PDPR: variants seen among roughly 807,000 people sequenced by gnomAD.
PDPR encodes pyruvate dehydrogenase phosphatase regulatory subunit.
In PDPR, 50 loss-of-function variants were observed where a neutral mutation model predicts 102.2. The ratio of observed to expected loss-of-function variants is 0.49; its 90% confidence interval spans 0.39 to 0.62. The LOEUF (loss-of-function observed/expected upper bound fraction) is 0.62, where lower values mean the gene tolerates loss of function less well. PDPR is among the 20% of genes least tolerant of loss of function. The pLI is 0.00. For missense variants in PDPR, 625 were observed against 1,098.2 expected, an observed-to-expected ratio of 0.57 and a Z score of 6.09; for synonymous variants, 259 against 406.0, an observed-to-expected ratio of 0.64 and a Z score of 4.35.
In PDPR at chr16:70,157,503, A is replaced by T. The variant is rs1967353853; in HGVS notation, c.*624A>T. 3.5e-6 allele frequency: 1 copy of T among 283,392 alleles called. No individual in the cohort carries two copies. Among genetic ancestry groups the T allele is most frequent in the Non-Finnish European group, 6.8e-6 (1 of 146,268 alleles). 17.6% of individuals were successfully genotyped at this position (283,392 alleles called of 1,614,324 possible). On this transcript the variant is annotated 3_prime_UTR_variant, in exon 19 of 19. Transcript: ENST00000288050. ...AGTGGAGACAAGCAGTTAACCTAGC[A>T]CCATCCTCATCCTCCCTGCAGAAGC...
At chr16:70,113,721 T>C (rs1201280518), upstream of PDPR, 3 of 140,758 alleles carry the variant, frequency 2.1e-5, no homozygotes, top group Admixed American at 2.2e-4. Flanking sequence ...CCTCTTCCTC[T>C]GAGCTGAGCC....
At chr16:70,138,207 A>ATTTTTTTTTTTTTTTTTTTTTTT (rs1201065640) in intron 10 of PDPR, among the ~76,000 whole-genome samples, 2 of 94,048 alleles carry the variant, frequency 2.1e-5, no homozygotes, top group Non-Finnish European at 3.9e-5. Flanking sequence ...ACGCCGGCTA[A>ATTTTTTTTTTTTTTTTTTTTTTT]TTTTTTTTTT....
At position 70,120,722 on chromosome 16, in the gene PDPR, A is replaced by G. The variant is rs756823946; in HGVS notation, c.227+3A>G. ...ATTGTCCTTTTGGAGCAGGGCAGGT[A>G]AGGATCAGACTGCATTTGGCTCATG... On this transcript the variant is annotated splice_donor_region_variant and intron_variant, in intron 3 of 18. Coordinates refer to ENST00000288050, the MANE Select transcript of PDPR (RefSeq NM_017990.5). The G allele has an allele frequency of 2.5e-6, 4 of 1,598,122 alleles. No individual in the cohort carries two copies. The highest frequency in any genetic ancestry group is 3.4e-6 in the Non-Finnish European group (4 of 1,165,462).
chr16:70,134,431 G>T (rs1176925632), intron 9 of PDPR, among the ~76,000 whole-genome samples: 2 of 151,662 alleles, frequency 1.3e-5, no homozygotes, highest in African/African-American at 4.8e-5. Context: ...TCACTATTTG[G>T]CCAGGCTGGT....
intron 4 of PDPR, 129 bp downstream of exon 4, chr16:70,127,522 G>T: frequency 1.3e-6 from 2 of 1,488,146 alleles, no homozygotes; most frequent in Non-Finnish European, 1.8e-6. Context: ...GGGCATGGTG[G>T]CTCACGCCTG....
chr16:70,118,143 G>A (rs1434474841), intron 2 of PDPR, among the ~76,000 whole-genome samples: 2 of 118,480 alleles, frequency 1.7e-5, no homozygotes, highest in Admixed American at 8.1e-5. Context: ...GGAGGGAAAC[G>A]TTGCAGGTAC....
At chr16:70,137,097 A>G (rs2152093103) in intron 10 of PDPR, among the ~76,000 whole-genome samples, 2 of 152,236 alleles carry the variant, frequency 1.3e-5, no homozygotes, top group South Asian at 4.2e-4. Context: ...TCACGCTTGT[A>G]ATCCCAGCAC....
intron 18 of PDPR, among the ~76,000 whole-genome samples, chr16:70,154,486 C>G: frequency 6.6e-6 from 1 of 152,372 alleles, no homozygotes; most frequent in South Asian, 2.1e-4. Context: ...GAAAAACAAA[C>G]AAAAAAACCC....
rs1391179026 is a variant in PDPR, at chr16:70,156,641, G to C, written c.2402G>C (p.Ser801Thr). 6.2e-7 allele frequency: 1 copy of C among 1,614,100 alleles called. No individual in the cohort carries two copies. The highest frequency in any genetic ancestry group is 1.1e-5 in the South Asian group (1 of 91,088). Residue 801 changes from serine (S) to threonine (T), a missense_variant, in exon 19 of 19, where the codon AGC (serine) becomes ACC (threonine). Around this residue, in one of 11 missense-constraint regions of PDPR, gnomAD observed 303 missense variants for 258.9 expected, o/e 1.17. Transcript: ENST00000288050. ...GGGCAGTATGTTGGCAAGACCACCA[G>C]CAGTGCCTACAGCTACAGCCTGGAG... The part of the protein sequence containing the change: ...RNGQYVGKTT[S>T]SAYSYSLERH...
At chr16:70,153,242 C>A in intron 17 of PDPR, 149 bp from the exon 18 acceptor site, 1 of 906,410 alleles carries the variant, frequency 1.1e-6, no homozygotes, top group Non-Finnish European at 1.6e-6. Context: ...GGGCTGTGCC[C>A]TGAGCGTGTC....
intron 3 of PDPR, among the ~76,000 whole-genome samples, chr16:70,122,138 C>G (rs1429159129): frequency 6.6e-6 from 1 of 152,268 alleles, no homozygotes; most frequent in South Asian, 2.1e-4. Flanking sequence ...AGGCACCCAC[C>G]ACCATGCCCG....
chr16:70,137,224 C>G (rs1282511576), intron 10 of PDPR, among the ~76,000 whole-genome samples: 2 of 152,100 alleles, frequency 1.3e-5, no homozygotes, highest in Admixed American at 6.5e-5. Flanking sequence ...GGCGTTGTGG[C>G]GGGTGCTTGT....
intron 13 of PDPR, 150 bp downstream of exon 13, chr16:70,142,836 G>C: frequency 7.4e-7 from 1 of 1,356,182 alleles, no homozygotes; most frequent in Admixed American, 2.0e-5. Context: ...AGGGGGCGTG[G>C]ATCACCTGAG....
chr16:70,123,733 C>T (rs1282120263), intron 3 of PDPR, among the ~76,000 whole-genome samples: 2 of 152,252 alleles, frequency 1.3e-5, no homozygotes, highest in Non-Finnish European at 2.9e-5. Context: ...TGATATAAGG[C>T]AGACTATTTA....
rs774452507 is a variant in PDPR, at chr16:70,156,536, G to A, written c.2297G>A (p.Arg766His). ...CAGAAGCAGAATGGAGTGTATAAAC[G>A]CCTCACCATGTTCATCCTGGACGAC... ...LQQKQNGVYK[R>H]LTMFILDDHD... The change falls in exon 19 of 19, where the codon CGC (arginine) becomes CAC (histidine). Residue 766 changes from arginine (R) to histidine (H), a missense_variant. By Grantham distance (29) the Arg-to-His change is conservative (BLOSUM62 0). Transcript: ENST00000288050. The A allele has an allele frequency of 1.6e-5, 26 of 1,613,928 alleles. No individual in the cohort carries two copies. Among genetic ancestry groups the A allele is most frequent in the Non-Finnish European group, 1.8e-5 (21 of 1,179,888 alleles).
Position 70,153,522 on chromosome 16 carries a change from C to G in PDPR, c.2184C>G (p.Asn728Lys), listed in dbSNP as rs576505662. Residue 728 changes from asparagine to lysine, a missense_variant, in exon 18 of 19, where the codon AAC becomes AAG. Around this residue, in one of 11 missense-constraint regions of PDPR, gnomAD observed 303 missense variants for 258.9 expected, o/e 1.17. Transcript: ENST00000288050. ...FFAFWGQDIN[N>K]LTTPLECGRE... ...CCTTCTGGGGTCAGGATATAAATAACCTCACCACGCCCCTGGAATGTGGAC... is the reference window on the plus strand; with the variant it reads ...CCTTCTGGGGTCAGGATATAAATAAGCTCACCACGCCCCTGGAATGTGGAC... 6.2e-7 allele frequency: 1 copy of G among 1,611,966 alleles called. No individual in the cohort carries two copies. The highest frequency in any genetic ancestry group is 1.1e-5 in the South Asian group (1 of 90,574).
intron 11 of PDPR, among the ~76,000 whole-genome samples, chr16:70,140,869 G>A (rs1301313324): frequency 3.9e-5 from 6 of 152,164 alleles, no homozygotes; most frequent in Non-Finnish European, 8.8e-5. Context: ...TGATAGAACC[G>A]AAAGTACTAG....
Position 70,153,488 on chromosome 16 carries a change from AG to A in PDPR, c.2151del (p.Lys717AsnfsTer10). 6.2e-7 allele frequency: 1 copy of A among 1,613,402 alleles called. No individual in the cohort carries two copies. Among genetic ancestry groups the A allele is most frequent in the Admixed American group, 1.7e-5 (1 of 59,858 alleles). On this transcript the variant is annotated frameshift_variant, in exon 18 of 19. Transcript: ENST00000288050. LOFTEE classifies it high-confidence loss of function. ...GCTCTTCGCAGTCTCCGAATTGAGA[AG>A]TTTTTTGCCTTCTGGGGTCAGGATA... is the stretch of plus-strand genomic sequence containing the variant. ...YYALRSLRIEKFFAFWGQDIN... is the reference protein window; with the variant it reads ...YYALRSLRIEXFFAFWGQDIN...
At position 70,137,332 on chromosome 16, in the gene PDPR, G is replaced by A. The variant is rs180776950; in HGVS notation, c.1190+946G>A. Among the ~76,000 whole-genome samples, 624 of 152,132 alleles carry A rather than the reference G, an allele frequency of 4.1e-3. 1 individual carries two copies. The highest frequency in any genetic ancestry group is 0.014 in the African/African-American group (586 of 41,416). ...GATTGCGCCACTGCACTCCAGCCTG[G>A]GCAACAGAGCGAGACTCTATCTCAA... On this transcript the variant is annotated intron_variant, in intron 10 of 18. Transcript: ENST00000288050.
Sources: gnomAD v4.1 joint callset for allele counts (sites outside exome capture counted in the v4.1 genomes callset) on GRCh38, gnomAD v4.1.1 for gene constraint, gnomAD v4.1.1 regional missense constraint, MANE v1.5 for transcripts, NCBI Gene and HGNC (gene_info 2026-07-23, HGNC 2026-07-21) for gene names.